Variants in PATL1 observed in about 807,000 individuals in gnomAD.
The protein encoded by PATL1 is protein PAT1 homolog 1.
PATL1 carries 32 observed loss-of-function variants against 100.6 expected under a neutral mutation model. The observed-to-expected ratio is 0.32, with a 90% CI of 0.24 to 0.43. PATL1 has a LOEUF of 0.43. Among genes scored for constraint, PATL1 ranks in the 20% least tolerant of loss-of-function variants. The pLI is 1.00. For synonymous variants in PATL1, 332 were observed against 330.0 expected (o/e 1.01, Z -0.07); for missense variants, 747 against 949.9 (o/e 0.79, Z 2.81).
intron 3 of PATL1, 53 bp from the exon 4 acceptor site, chr11:59,658,999 G>A: frequency 7.0e-7 from 1 of 1,435,364 alleles, no homozygotes. Flanking sequence ...CTCTCTGGGT[G>A]ACTTATCTGC....
intron 2 of PATL1, among the ~76,000 whole-genome samples, chr11:59,661,938 A>G (rs1233403316): frequency 2.6e-5 from 4 of 152,232 alleles, no homozygotes; most frequent in Admixed American, 2.6e-4. Flanking sequence ...ATTATTTACA[A>G]TTTTCCAATA....
At chr11:59,659,537 G>C in intron 2 of PATL1, 68 bp from the exon 3 acceptor site, 3 of 1,129,538 alleles carry the variant, frequency 2.7e-6, no homozygotes, top group Non-Finnish European at 3.6e-6. Context: ...CACAATTATT[G>C]TTTTTTTTTT....
chr11:59,663,302 G>C (rs924911763), intron 2 of PATL1, among the ~76,000 whole-genome samples: 12 of 152,106 alleles, frequency 7.9e-5, no homozygotes, highest in African/African-American at 2.7e-4. Context: ...CTGTCTCAGG[G>C]AGTTTTGAAT....
chr11:59,653,945 G>C (rs1590700355), intron 9 of PATL1, 38 bp downstream of exon 9: 1 of 1,540,452 alleles, frequency 6.5e-7, no homozygotes, highest in Non-Finnish European at 9.0e-7. Context: ...ATTAAAAGCT[G>C]AATTAAGAAG....
At chr11:59,661,417 TTCC>T (rs35671444) in intron 2 of PATL1, among the ~76,000 whole-genome samples, 68,363 of 151,756 alleles carry the variant, frequency 0.45, 15,838 homozygotes, top group African/African-American at 0.56. Context: ...GTGAAACTTC[TTCC>T]TCCTCCTCAA....
chr11:59,638,430 GAA>G lies in PATL1; in HGVS notation c.2292-21_2292-20del. 1.2e-6 allele frequency: 2 copies of G among 1,605,680 alleles called. No homozygotes were observed. Among genetic ancestry groups the G allele is most frequent in the Middle Eastern group, 1.7e-4 (1 of 6,048 alleles). On this transcript the variant is annotated intron_variant, in intron 18 of 18. Coordinates refer to ENST00000300146, the MANE Select transcript of PATL1 (RefSeq NM_152716.3). ...AACTAGCCTAGGAGTACAAAGGAGA[GAA>G]AGGAAAATTGTATAAATGAGTTAAA...
rs1565135499 is a variant in PATL1, at chr11:59,659,491, G to T, written c.128-22C>A. 3 of 1,538,794 alleles carry T rather than the reference G, an allele frequency of 1.9e-6. No homozygotes were observed. The Admixed American group carries it at 5.9e-5, about 30-fold the overall frequency. ...TCATCTATAAGATGACACAGTTCATGTAAGAAATAGTTCATAGTGGTACAA... is the reference window on the plus strand; with the variant it reads ...TCATCTATAAGATGACACAGTTCATTTAAGAAATAGTTCATAGTGGTACAA... On this transcript the variant is annotated intron_variant, in intron 2 of 18. Transcript: ENST00000300146.
intron 16 of PATL1, among the ~76,000 whole-genome samples, chr11:59,641,523 C>T (rs1861279356): frequency 6.6e-6 from 1 of 152,084 alleles, no homozygotes; most frequent in Non-Finnish European, 1.5e-5. Context: ...GAGGTCGAGG[C>T]AGGCTGATAG....
At chr11:59,654,876 C>G (rs1861504015) in intron 8 of PATL1, among the ~76,000 whole-genome samples, 1 of 152,180 alleles carries the variant, frequency 6.6e-6, no homozygotes, top group African/African-American at 2.4e-5. Context: ...GTGGGTGGAG[C>G]TCATCCAGCC....
chr11:59,664,843 C>G (rs1861666716), intron 2 of PATL1, among the ~76,000 whole-genome samples: 1 of 152,226 alleles, frequency 6.6e-6, no homozygotes, highest in Non-Finnish European at 1.5e-5. Flanking sequence ...GTGCTGAGAG[C>G]TGTGGGCTTG....
intron 2 of PATL1, among the ~76,000 whole-genome samples, chr11:59,659,691 C>G (rs1383862606): frequency 6.6e-6 from 1 of 151,966 alleles, no homozygotes; most frequent in African/African-American, 2.4e-5. Context: ...AGGCGCCCAC[C>G]ACCACACCTG....
chr11:59,651,435 G>C (rs556662972), intron 12 of PATL1, 109 bp downstream of exon 12: 4 of 799,516 alleles, frequency 5.0e-6, no homozygotes, highest in East Asian at 5.3e-5. Context: ...GGGAGGCCCC[G>C]GGTTAGACTA....
chr11:59,651,587 C>T lies in PATL1; in HGVS notation c.1481G>A (p.Arg494Gln). The T allele has an allele frequency of 2.5e-6, 4 of 1,611,982 alleles. No homozygotes were observed. Among genetic ancestry groups the T allele is most frequent in the Non-Finnish European group, 2.5e-6 (3 of 1,179,428 alleles). ...TGTCACAACAGCATCAATCATTTTT[C>T]GGGGATTATTCACACTAGAAACGGT... ...KLTVSSVNNP[R>Q]KMIDAVVTSR... Residue 494 changes from arginine to glutamine, a missense_variant, in exon 12 of 19, where the codon CGA becomes CAA. Physicochemically the swap from Arg to Gln is conservative, Grantham distance 43. This residue lies in a region of PATL1 where 434 missense variants were observed against 596.1 expected (regional missense o/e 0.73). Transcript: ENST00000300146.
Position 59,650,899 on chromosome 11 carries a change from C to T in PATL1, c.1525-86G>A, listed in dbSNP as rs998555900. 9.9e-6 allele frequency: 9 copies of T among 910,434 alleles called. No homozygotes were observed. The African/African-American group carries it at 1.5e-4, about 15-fold the overall frequency. 56.4% of individuals were successfully genotyped at this position (910,434 alleles called of 1,614,324 possible). A position where few individuals can be genotyped will look rare whatever the true frequency, so the allele number is the denominator to read the frequency against. ...TGCGCATTTGTAGGTTCATTTGTGA[C>T]AATACTTTGAGAAGATAATTGATTC... On this transcript the variant is annotated intron_variant, in intron 12 of 18. Coordinates refer to ENST00000300146, the MANE Select transcript of PATL1 (RefSeq NM_152716.3).
At position 59,649,587 on chromosome 11, in the gene PATL1, C is replaced by T. The variant is rs758997262; in HGVS notation, c.1608G>A (p.Val536=). ...GGAGATAACGTCTTTCATAGTCCTCCACATCAAGGAGTAAGCTGTAGGTCT... is the reference window on the plus strand; with the variant it reads ...GGAGATAACGTCTTTCATAGTCCTCTACATCAAGGAGTAAGCTGTAGGTCT... The part of the protein sequence containing the change: ...IEKTYSLLLD[V]EDYERRYLLS... The change falls in exon 14 of 19, where the codon GTG becomes GTA. Residue 536 remains valine (V), a synonymous_variant. Transcript: ENST00000300146. 2.5e-6 allele frequency: 4 copies of T among 1,612,994 alleles called. No homozygotes were observed. The highest frequency in any genetic ancestry group is 4.5e-5 in the East Asian group (2 of 44,880).
chr11:59,655,325 AC>A (rs1257199295), intron 8 of PATL1, among the ~76,000 whole-genome samples, 197 bp downstream of exon 8: 2 of 152,126 alleles, frequency 1.3e-5, no homozygotes, highest in African/African-American at 4.8e-5. Flanking sequence ...TGTATTCCAT[AC>A]CCTCTGGTAA....
chr11:59,659,008 G>T, intron 3 of PATL1, 62 bp from the exon 4 acceptor site: 1 of 1,398,210 alleles, frequency 7.2e-7, no homozygotes, highest in Non-Finnish European at 9.7e-7. Flanking sequence ...TGACTTATCT[G>T]CTGCTGGGGA....
intron 5 of PATL1, chr11:59,657,175 T>C (rs909660470): frequency 3.1e-6 from 3 of 962,672 alleles, no homozygotes; most frequent in Non-Finnish European, 3.7e-6. Context: ...AGGGATATCT[T>C]AAAGGTAAAA....
chr11:59,665,912 T>C (rs1861681306), intron 2 of PATL1, among the ~76,000 whole-genome samples: 1 of 152,230 alleles, frequency 6.6e-6, no homozygotes, highest in Non-Finnish European at 1.5e-5. Context: ...CTTCCTAAAT[T>C]TTCCATCTTG....
Sources: gnomAD v4.1 joint callset for allele counts (sites outside exome capture counted in the v4.1 genomes callset) on GRCh38, gnomAD v4.1.1 for gene constraint, gnomAD v4.1.1 regional missense constraint, MANE v1.5 for transcripts, NCBI Gene and HGNC (gene_info 2026-07-23, HGNC 2026-07-21) for gene names.